Variants in UNC5A observed in about 807,000 individuals in gnomAD.
The protein encoded by UNC5A is unc-5 netrin receptor A.
In UNC5A, 20 loss-of-function variants were observed where a neutral mutation model predicts 87.4. The observed-to-expected ratio is 0.23, with a 90% CI of 0.16 to 0.33. The LOEUF (loss-of-function observed/expected upper bound fraction) is 0.33. Among genes scored for constraint, UNC5A ranks in the 10% least tolerant of loss-of-function variants. The pLI is 1.00. For synonymous variants in UNC5A, 438 were observed against 482.3 expected (o/e 0.91, Z 1.20); for missense variants, 844 against 1,133.4 (o/e 0.74, Z 3.67).
chr5:176,868,658 A>G lies in UNC5A; in HGVS notation c.534A>G (p.Pro178=). The stretch of plus-strand genomic sequence containing the variant: ...GCCGTCCACCGGAGGGCATCCCTCC[A>G]GCCGAGGTGAGGGCTCCTCTAGTGC... ...LPCRPPEGIP[P]AEVEWLRNED... The change falls in exon 4 of 15, where the codon CCA becomes CCG. Residue 178 remains proline, a synonymous_variant. Transcript: ENST00000329542. 1 of 1,603,318 alleles carries G rather than the reference A, an allele frequency of 6.2e-7. No homozygotes were observed. The highest frequency in any genetic ancestry group is 8.5e-7 in the Non-Finnish European group (1 of 1,175,182).
intron 5 of UNC5A, among the ~76,000 whole-genome samples, chr5:176,870,043 G>T (rs1339696280): frequency 6.6e-6 from 1 of 152,210 alleles, no homozygotes; most frequent in Non-Finnish European, 1.5e-5. Flanking sequence ...TCAGCCCAGG[G>T]CTGCAGAGTC....
intron 1 of UNC5A, among the ~76,000 whole-genome samples, chr5:176,827,893 A>G (rs1176175919): frequency 6.6e-6 from 1 of 152,152 alleles, no homozygotes; most frequent in Non-Finnish European, 1.5e-5. Context: ...CGTGGCCACC[A>G]GGTTAGCCTG....
chr5:176,820,807 G>A (rs1421899277), intron 1 of UNC5A, among the ~76,000 whole-genome samples: 2 of 152,198 alleles, frequency 1.3e-5, no homozygotes, highest in Non-Finnish European at 2.9e-5. Flanking sequence ...TCTTAGTGGG[G>A]TATTTTGGGG....
rs557848000 is a variant in UNC5A, at chr5:176,844,560, G to A, written c.71-18064G>A. Reference sequence around the variant, plus strand: ...GGACTTAGCCGCACTGTGCCACACCGAAATTCACAGCCCACCGTGGCTCGG... The same window carrying A: ...GGACTTAGCCGCACTGTGCCACACCAAAATTCACAGCCCACCGTGGCTCGG... On this transcript the variant is annotated intron_variant, in intron 1 of 14. Transcript: ENST00000329542. The surrounding 1 kb of genome is among the most constrained non-coding windows in gnomAD (Gnocchi z 4.2). 3.3e-5 allele frequency among the ~76,000 whole-genome samples: 5 copies of A among 152,336 alleles called. No homozygotes were observed. The highest frequency in any genetic ancestry group is 3.9e-4 in the East Asian group (2 of 5,190).
chr5:176,864,667 A>G (rs1302178934), intron 2 of UNC5A: 2 of 322,344 alleles, frequency 6.2e-6, no homozygotes, highest in Non-Finnish European at 1.3e-5. Flanking sequence ...TCCCTCCCCC[A>G]AGTGTCGTCT....
At position 176,875,078 on chromosome 5, in the gene UNC5A, A is replaced by C. The variant is rs565537097; in HGVS notation, c.1378+512A>C. Among the ~76,000 whole-genome samples the C allele has an allele frequency of 6.6e-6, 1 of 152,168 alleles. No individual in the cohort carries two copies. The highest frequency in any genetic ancestry group is 1.5e-5 in the Non-Finnish European group (1 of 68,018). ...CCGAAATTCCCAAGTCCCTCAGCTT[A>C]GATGACCCCATGCGCTCCTGGTTTG... On this transcript the variant is annotated intron_variant, in intron 8 of 14. Coordinates refer to ENST00000329542, the MANE Select transcript of UNC5A (RefSeq NM_133369.3). This position sits in a 1 kb window ranked among gnomAD's most constrained non-coding sequence, Gnocchi z 5.2.
In UNC5A at chr5:176,866,428, G is replaced by A. The variant is rs1005491015; in HGVS notation, c.293-1702G>A. 4.6e-5 allele frequency among the ~76,000 whole-genome samples: 7 copies of A among 152,164 alleles called. No individual in the cohort carries two copies. The highest frequency in any genetic ancestry group is 1.7e-4 in the African/African-American group (7 of 41,440). ...GGAGGTGGCAGGACAGAAGGGGAGGGAAGGCAAAGGGAGAAGAAAAGGGAG... is the reference window on the plus strand; with the variant it reads ...GGAGGTGGCAGGACAGAAGGGGAGGAAAGGCAAAGGGAGAAGAAAAGGGAG... On this transcript the variant is annotated intron_variant, in intron 2 of 14. Transcript: ENST00000329542. This position sits in a 1 kb window ranked among gnomAD's most constrained non-coding sequence, Gnocchi z 5.0.
chr5:176,818,021 C>G (rs1369801678), intron 1 of UNC5A, among the ~76,000 whole-genome samples: 1 of 152,096 alleles, frequency 6.6e-6, no homozygotes, highest in African/African-American at 2.4e-5. Context: ...CGCTCGGCTG[C>G]CGCCCCGGGA....
At chr5:176,826,474 T>G (rs1483923459) in intron 1 of UNC5A, among the ~76,000 whole-genome samples, 1 of 152,214 alleles carries the variant, frequency 6.6e-6, no homozygotes, top group African/African-American at 2.4e-5. Flanking sequence ...TGGACTTTGA[T>G]GCATATATAT....
chr5:176,822,297 G>A lies in UNC5A; in HGVS notation c.70+11477G>A, dbSNP rs73340045. 4.0e-3 allele frequency among the ~76,000 whole-genome samples: 615 copies of A among 152,348 alleles called. 3 individuals are homozygous for A. The highest frequency in any genetic ancestry group is 0.014 in the African/African-American group (566 of 41,568). On this transcript the variant is annotated intron_variant, in intron 1 of 14. Coordinates refer to ENST00000329542, the MANE Select transcript of UNC5A (RefSeq NM_133369.3). ...GAAGTATTTGTGTGGAGGGGTGTGC[G>A]GAGCAGGATCTGCGGTTGATAAAAC...
chr5:176,849,742 G>C lies in UNC5A; in HGVS notation c.71-12882G>C, dbSNP rs570025733. Reference sequence around the variant, plus strand: ...CAGAGAGGGAAGTGGCTTGCCCAAGGCCACGTGGCCAGGTGGAGGCAGAGT... The same window carrying C: ...CAGAGAGGGAAGTGGCTTGCCCAAGCCCACGTGGCCAGGTGGAGGCAGAGT... On this transcript the variant is annotated intron_variant, in intron 1 of 14. Coordinates refer to ENST00000329542, the MANE Select transcript of UNC5A (RefSeq NM_133369.3). 2.0e-5 allele frequency among the ~76,000 whole-genome samples: 3 copies of C among 152,244 alleles called. No homozygotes were observed. In the South Asian group the frequency reaches 6.2e-4, roughly 32 times the overall value.
chr5:176,818,866 G>A (rs377335363), intron 1 of UNC5A, among the ~76,000 whole-genome samples: 1 of 152,194 alleles, frequency 6.6e-6, no homozygotes, highest in Non-Finnish European at 1.5e-5. Context: ...GAGAATGGCT[G>A]TCCAGGCCAC....
rs564588235 is a variant in UNC5A at position 176,848,847 on chromosome 5, G to C, written c.71-13777G>C. ...TCGGGATTGCAGCTTCTCCCCTCTC[G>C]GCCTCTGGAAGGGACAGTGCCCTCA... On this transcript the variant is annotated intron_variant, in intron 1 of 14. Coordinates refer to ENST00000329542, the MANE Select transcript of UNC5A (RefSeq NM_133369.3). The surrounding 1 kb of genome is among the most constrained non-coding windows in gnomAD (Gnocchi z 5.8). Among the ~76,000 whole-genome samples, 1 of 152,260 alleles carries C rather than the reference G, an allele frequency of 6.6e-6. No individual in the cohort carries two copies. Among genetic ancestry groups the C allele is most frequent in the Non-Finnish European group, 1.5e-5 (1 of 68,010 alleles).
Position 176,870,434 on chromosome 5 carries a change from G to A in UNC5A, c.786G>A (p.Arg262=). ...GTGGGCTGGACTGCACCCACTGGCG[G>A]AGCCGTGAGTGCTCTGACCCAGCAC... ...SACGLDCTHW[R]SRECSDPAPR... The change falls in exon 6 of 15, where the codon CGG becomes CGA. Residue 262 remains arginine (R), a synonymous_variant. Transcript: ENST00000329542. 6.2e-7 allele frequency: 1 copy of A among 1,612,262 alleles called. No individual in the cohort carries two copies. The highest frequency in any genetic ancestry group is 1.1e-5 in the South Asian group (1 of 91,052).
At chr5:176,828,582 T>C (rs1488654643) in intron 1 of UNC5A, among the ~76,000 whole-genome samples, 1 of 152,180 alleles carries the variant, frequency 6.6e-6, no homozygotes, top group African/African-American at 2.4e-5. Context: ...CTCAGCGAGG[T>C]TCCCCCTGGG....
At chr5:176,879,679 G>GGGGCC (rs1412186767) in intron 14 of UNC5A, 42 bp from the exon 15 acceptor site, 1 of 1,603,764 alleles carries the variant, frequency 6.2e-7, no homozygotes, top group African/African-American at 1.3e-5. Context: ...GGTGTCGGCT[G>GGGGCC]GGGCCAGGCC....
intron 1 of UNC5A, among the ~76,000 whole-genome samples, chr5:176,813,184 C>T (rs572671942): frequency 5.8e-4 from 89 of 152,350 alleles, no homozygotes; most frequent in African/African-American, 1.8e-3. Context: ...TCTCAAACCC[C>T]GTCACGCAGC....
At chr5:176,819,014 G>C (rs891221442) in intron 1 of UNC5A, among the ~76,000 whole-genome samples, 1 of 152,208 alleles carries the variant, frequency 6.6e-6, no homozygotes, top group Non-Finnish European at 1.5e-5. Context: ...TTATAATGAA[G>C]GGGACTCTTT....
Position 176,824,807 on chromosome 5 carries a change from C to T in UNC5A, c.70+13987C>T, listed in dbSNP as rs765456379. 6.7e-6 allele frequency among the ~76,000 whole-genome samples: 1 copy of T among 148,980 alleles called. No homozygotes were observed. The highest frequency in any genetic ancestry group is 1.5e-5 in the Non-Finnish European group (1 of 67,186). ...CCTGTGTGCCCCCTGCTCTGTGTAC[C>T]CCCTACCTTGTGTACTCTCTGTCCC... On this transcript the variant is annotated intron_variant, in intron 1 of 14. Coordinates refer to ENST00000329542, the MANE Select transcript of UNC5A (RefSeq NM_133369.3). This position sits in a 1 kb window ranked among gnomAD's most constrained non-coding sequence, Gnocchi z 4.2.
Sources: allele counts gnomAD v4.1 joint callset (sites outside exome capture counted in the v4.1 genomes callset), GRCh38; gene constraint gnomAD v4.1.1; non-coding constraint Gnocchi (gnomAD v3.1); transcripts MANE v1.5; gene names NCBI Gene and HGNC (gene_info 2026-07-23, HGNC 2026-07-21).